THUMPD2: variants seen among roughly 807,000 people sequenced by gnomAD.
THUMPD2 encodes THUMP domain 2 tRNA and snRNA guanosine methyltransferase, also known as U6 snRNA (guanine-N(2))-methyltransferase THUMPD2.
Under a neutral mutation model 49.4 loss-of-function variants are expected in THUMPD2, and 56 were observed. The observed-to-expected ratio is 1.13, with a 90% CI of 0.91 to 1.41. THUMPD2 has a LOEUF of 1.41. THUMPD2 is among the 40% of genes most tolerant of loss of function. The pLI is 0.00. For synonymous variants in THUMPD2, 237 were observed against 205.2 expected, an observed-to-expected ratio of 1.15 and a Z score of -1.32; for missense variants, 709 against 594.5, an observed-to-expected ratio of 1.19 and a Z score of -2.00.
intron 8 of THUMPD2, among the ~76,000 whole-genome samples, chr2:39,751,082 T>C (rs1333696020): frequency 6.6e-6 from 1 of 152,256 alleles, no homozygotes; most frequent in Non-Finnish European, 1.5e-5. Context: ...ACATATTTCA[T>C]ATACACCTAC....
intron 9 of THUMPD2, among the ~76,000 whole-genome samples, chr2:39,739,134 G>A (rs928252958): frequency 2.6e-5 from 4 of 152,096 alleles, no homozygotes; most frequent in Admixed American, 6.5e-5. Flanking sequence ...TCTGTCTTCC[G>A]TTTCCACACA....
intron 6 of THUMPD2, among the ~76,000 whole-genome samples, chr2:39,758,726 A>AT (rs1676443436): frequency 6.6e-6 from 1 of 151,966 alleles, no homozygotes; most frequent in Non-Finnish European, 1.5e-5. Flanking sequence ...TAACAGTCAC[A>AT]TTTTAGTCCT....
In THUMPD2 at chr2:39,744,559, A is replaced by G. The variant is rs115342928; in HGVS notation, c.1079-81T>C. The G allele has an allele frequency of 1.3e-3, 1,223 of 912,366 alleles. 10 individuals carry two copies. The African/African-American group carries it at 0.019, about 14-fold the overall frequency. The allele number at this position is 912,366 out of a possible 1,614,324, so 56.5% of individuals were successfully genotyped here. On this transcript the variant is annotated intron_variant, in intron 8 of 9. Coordinates refer to ENST00000505747, the MANE Select transcript of THUMPD2 (RefSeq NM_025264.5). Reference sequence around the variant, plus strand: ...AAATAATGAGAAAATTGAAGTACACAGGATTATTTTTGCGTAACAGATTAA... The same window carrying G: ...AAATAATGAGAAAATTGAAGTACACGGGATTATTTTTGCGTAACAGATTAA...
Position 39,736,842 on chromosome 2 carries a change from T to A in THUMPD2, c.1405A>T (p.Met469Leu), listed in dbSNP as rs1262627542. 6.2e-7 allele frequency: 1 copy of A among 1,614,108 alleles called. No homozygotes were observed. Among genetic ancestry groups the A allele is most frequent in the Non-Finnish European group, 8.5e-7 (1 of 1,180,042 alleles). Reference sequence around the variant, plus strand: ...GGTACCAAGGAGCCAAATGGTGACATTCTGTCTAAGAATTTGTGGTTACTG... The same window carrying A: ...GGTACCAAGGAGCCAAATGGTGACAATCTGTCTAAGAATTTGTGGTTACTG... ...EASNHKFLDR[M>L]SPFGSLVPVE... The change falls in exon 10 of 10, where the codon ATG (methionine) becomes TTG (leucine). Residue 469 changes from methionine (M) to leucine (L), a missense_variant. By Grantham distance (15) the Met-to-Leu change is conservative (BLOSUM62 2). Coordinates refer to ENST00000505747, the MANE Select transcript of THUMPD2 (RefSeq NM_025264.5).
chr2:39,742,034 T>G (rs953391311), intron 9 of THUMPD2, among the ~76,000 whole-genome samples: 1 of 152,102 alleles, frequency 6.6e-6, no homozygotes, highest in African/African-American at 2.4e-5. Flanking sequence ...ACAATGCCAT[T>G]AAGTGGGTAT....
intron 9 of THUMPD2, among the ~76,000 whole-genome samples, chr2:39,738,954 C>CA (rs1572726628): frequency 6.6e-6 from 1 of 152,002 alleles, no homozygotes; most frequent in Non-Finnish European, 1.5e-5. Flanking sequence ...TCATGCCCAG[C>CA]AAAAATCTAA....
intron 8 of THUMPD2, among the ~76,000 whole-genome samples, chr2:39,753,359 C>G (rs1286334891): frequency 1.3e-5 from 2 of 152,202 alleles, no homozygotes; most frequent in Admixed American, 1.3e-4. Context: ...TACTCTCTTA[C>G]ATCACCAGCT....
chr2:39,768,031 T>C (rs1020552488), intron 4 of THUMPD2, among the ~76,000 whole-genome samples: 1 of 152,340 alleles, frequency 6.6e-6, no homozygotes, highest in Non-Finnish European at 1.5e-5. Flanking sequence ...ACAAAGCCAC[T>C]ATTAACATAC....
At chr2:39,767,657 G>A (rs922477797) in intron 4 of THUMPD2, among the ~76,000 whole-genome samples, 7 of 148,250 alleles carry the variant, frequency 4.7e-5, no homozygotes, top group East Asian at 2.0e-4. Flanking sequence ...AATGATACTC[G>A]TATGTCAAAA....
chr2:39,775,106 C>G (rs1408230466), intron 1 of THUMPD2, among the ~76,000 whole-genome samples: 1 of 151,868 alleles, frequency 6.6e-6, no homozygotes, highest in Non-Finnish European at 1.5e-5. Context: ...ATGGTGAGAC[C>G]CTGTTGGTAC....
chr2:39,779,093 C>A (rs750951750), intron 1 of THUMPD2, 21 bp downstream of exon 1: 8 of 1,496,954 alleles, frequency 5.3e-6, no homozygotes, highest in Admixed American at 4.3e-5. Context: ...CCTCCCCAGG[C>A]GCGCAGCGAG....
chr2:39,751,947 A>G (rs945051923), intron 8 of THUMPD2, among the ~76,000 whole-genome samples: 1 of 152,118 alleles, frequency 6.6e-6, no homozygotes, highest in Non-Finnish European at 1.5e-5. Context: ...TCAGCCTTCC[A>G]AAGTGCTGGG....
At chr2:39,749,201 G>GA (rs1390858977) in intron 8 of THUMPD2, among the ~76,000 whole-genome samples, 1 of 152,090 alleles carries the variant, frequency 6.6e-6, no homozygotes. Context: ...ATGCCAAACT[G>GA]AATTCACAGT....
intron 5 of THUMPD2, among the ~76,000 whole-genome samples, chr2:39,765,291 C>T (rs982847660): frequency 1.3e-5 from 2 of 152,100 alleles, no homozygotes; most frequent in African/African-American, 2.4e-5. Context: ...TCCTGAGTAG[C>T]TGGAATTACA....
At chr2:39,741,330 C>T (rs1377964381) in intron 9 of THUMPD2, among the ~76,000 whole-genome samples, 2 of 152,134 alleles carry the variant, frequency 1.3e-5, no homozygotes, top group Non-Finnish European at 2.9e-5. Context: ...ACTCATTGTT[C>T]CATGAACACA....
chr2:39,765,245 C>G (rs570382205), intron 5 of THUMPD2, among the ~76,000 whole-genome samples: 2 of 152,066 alleles, frequency 1.3e-5, no homozygotes, highest in African/African-American at 4.8e-5. Flanking sequence ...TGGCCACCTC[C>G]GCCTCCTGGG....
chr2:39,744,861 C>G lies in THUMPD2; in HGVS notation c.1079-383G>C, dbSNP rs115428405. Among the ~76,000 whole-genome samples, 1,269 of 152,102 alleles carry G rather than the reference C, an allele frequency of 8.3e-3. 9 individuals are homozygous for G. Among genetic ancestry groups the G allele is most frequent in the Non-Finnish European group, 0.012 (828 of 67,938 alleles). ...TTTCATTTCCCATTTTAAAACTGTA[C>G]GTTTAGATCTACTTGTTTTTGAGGG... On this transcript the variant is annotated intron_variant, in intron 8 of 9. Transcript: ENST00000505747.
Position 39,779,158 on chromosome 2 carries a change from G to C in THUMPD2, c.82C>G (p.Pro28Ala), listed in dbSNP as rs1268622673. Residue 28 changes from proline to alanine, a missense_variant, in exon 1 of 10, where the codon CCG becomes GCG. Physicochemically the swap from Pro to Ala is conservative, Grantham distance 27 (BLOSUM62 -1). Coordinates refer to ENST00000505747, the MANE Select transcript of THUMPD2 (RefSeq NM_025264.5). ...GCCCGCACCTCTCGCATTACGAACG[G>C]CTCCAGGCCGCGACCCGCAGTGCAG... ...FFCTAGRGLE[P>A]FVMREVRARL... 6.6e-7 allele frequency: 1 copy of C among 1,521,304 alleles called. No individual in the cohort carries two copies. Among genetic ancestry groups the C allele is most frequent in the Non-Finnish European group, 8.8e-7 (1 of 1,140,060 alleles). 94.2% of individuals were successfully genotyped at this position (1,521,304 alleles called of 1,614,324 possible).
In THUMPD2 at chr2:39,736,075, A is replaced by C. The variant is rs570654448; in HGVS notation, c.*660T>G. 4.6e-5 allele frequency: 7 copies of C among 152,318 alleles called. No individual in the cohort carries two copies. In the South Asian group the frequency reaches 1.4e-3, roughly 32 times the overall value. 9.4% of individuals were successfully genotyped at this position (152,318 alleles called of 1,614,324 possible). A position where few individuals can be genotyped will look rare whatever the true frequency, so the allele number is the denominator to read the frequency against. ...CAGAGCATATATTCTCCTCAAACTT[A>C]CTGTTTCTTTTTCTCAGGTAGTGAA... is the stretch of plus-strand genomic sequence containing the variant. On this transcript the variant is annotated 3_prime_UTR_variant, in exon 10 of 10. Coordinates refer to ENST00000505747, the MANE Select transcript of THUMPD2 (RefSeq NM_025264.5).
Sources: allele counts gnomAD v4.1 joint callset (sites outside exome capture counted in the v4.1 genomes callset), GRCh38; gene constraint gnomAD v4.1.1; transcripts MANE v1.5; gene names NCBI Gene and HGNC (gene_info 2026-07-23, HGNC 2026-07-21).